Variants in NR5A2 observed in about 807,000 individuals in gnomAD.
NR5A2 encodes nuclear receptor subfamily 5 group A member 2.
Under a neutral mutation model 62.7 loss-of-function variants are expected in NR5A2, and 26 were observed. The observed-to-expected ratio is 0.41, with a 90% CI of 0.30 to 0.58. NR5A2 has a LOEUF of 0.58. Among genes scored for constraint, NR5A2 ranks in the 20% least tolerant of loss-of-function variants. NR5A2 has a pLI of 0.22. For synonymous variants in NR5A2, 246 were observed against 241.7 expected (o/e 1.02, Z -0.16); for missense variants, 541 against 669.1 (o/e 0.81, Z 2.11).
At position 200,173,955 on chromosome 1, in the gene NR5A2, T is replaced by TG. The variant is rs1654301340; in HGVS notation, c.1379-8_1379-7insG. ...ATGTTGCTTTTTTTTTTTTTTTTTT[T>TG]AATGCAGATGTCAAAAACCTTGAAA... On this transcript the variant is annotated splice_region_variant and splice_polypyrimidine_tract_variant and intron_variant, in intron 7 of 7. Coordinates refer to ENST00000367362, the MANE Select transcript of NR5A2 (RefSeq NM_205860.3). 4 of 1,344,330 alleles carry TG rather than the reference T, an allele frequency of 3.0e-6. No individual in the cohort carries two copies. In the Admixed American group the frequency reaches 1.0e-4, roughly 35 times the overall value. The allele number at this position is 1,344,330 out of a possible 1,614,324, so 83.3% of individuals were successfully genotyped here.
intron 7 of NR5A2, among the ~76,000 whole-genome samples, chr1:200,141,510 T>C (rs1343031391): frequency 2.6e-5 from 4 of 152,210 alleles, no homozygotes; most frequent in Non-Finnish European, 4.4e-5. Context: ...CCTTCACTTA[T>C]TGAAAGACAT....
chr1:200,090,138 C>T (rs189221379), intron 5 of NR5A2, among the ~76,000 whole-genome samples: 2 of 152,288 alleles, frequency 1.3e-5, no homozygotes, highest in East Asian at 1.9e-4. Flanking sequence ...TCTTTCCAAC[C>T]TCTTTCTTGT....
rs1044329015 is a variant in NR5A2 at position 200,083,844 on chromosome 1, A to G, written c.1111-27358A>G. On this transcript the variant is annotated intron_variant, in intron 5 of 7. Transcript: ENST00000367362. ...GCCGGGCATGGTGGCTCATGCCTGT[A>G]ATCCCAGCTACTTGGGAGGCTGAGG... 2.6e-5 allele frequency among the ~76,000 whole-genome samples: 4 copies of G among 152,168 alleles called. No individual in the cohort carries two copies. In the South Asian group the frequency reaches 6.2e-4, roughly 24 times the overall value.
rs937052268 is a variant in NR5A2, at chr1:200,147,659, C to G, written c.1379-26304C>G. 4 of 701,208 alleles carry G rather than the reference C, an allele frequency of 5.7e-6. No homozygotes were observed. Among genetic ancestry groups the G allele is most frequent in the South Asian group, 2.7e-5 (2 of 72,798 alleles). 43.4% of individuals were successfully genotyped at this position (701,208 alleles called of 1,614,324 possible). A position where few individuals can be genotyped will look rare whatever the true frequency, so the allele number is the denominator to read the frequency against. Reference sequence around the variant, plus strand: ...TGGATCTTGTCGATTGAGTTGAAGTCGGACACGTGGAAGACATGGGTGGAC... The same window carrying G: ...TGGATCTTGTCGATTGAGTTGAAGTGGGACACGTGGAAGACATGGGTGGAC... On this transcript the variant is annotated intron_variant, in intron 7 of 7. Coordinates refer to ENST00000367362, the MANE Select transcript of NR5A2 (RefSeq NM_205860.3). The surrounding 1 kb of genome is among the most constrained non-coding windows in gnomAD (Gnocchi z 4.9).
chr1:200,063,527 T>A (rs2102200857), intron 5 of NR5A2, among the ~76,000 whole-genome samples: 1 of 152,322 alleles, frequency 6.6e-6, no homozygotes, highest in East Asian at 1.9e-4. Flanking sequence ...GGAGTTTTAT[T>A]TGACCATTGA....
At position 200,052,842 on chromosome 1, in the gene NR5A2, G is replaced by T. The variant is rs573439997; in HGVS notation, c.1110+4024G>T. Among the ~76,000 whole-genome samples, 65 of 152,170 alleles carry T rather than the reference G, an allele frequency of 4.3e-4. 1 individual carries two copies. The highest frequency in any genetic ancestry group is 3.4e-3 in the Middle Eastern group (1 of 294). On this transcript the variant is annotated intron_variant, in intron 5 of 7. Coordinates refer to ENST00000367362, the MANE Select transcript of NR5A2 (RefSeq NM_205860.3). ...TTTTTAGTAGAGACGGTGTTTCACCGTGTTAGCCAGGATGGTCTTGATCTC... is the reference window on the plus strand; with the variant it reads ...TTTTTAGTAGAGACGGTGTTTCACCTTGTTAGCCAGGATGGTCTTGATCTC...
At chr1:200,042,111 G>T (rs1662117518) in intron 2 of NR5A2, among the ~76,000 whole-genome samples, 1 of 152,140 alleles carries the variant, frequency 6.6e-6, no homozygotes, top group Admixed American at 6.5e-5. Flanking sequence ...GTCTCTTGGG[G>T]CTGGGATTCA....
chr1:200,037,124 G>A (rs898089598), intron 1 of NR5A2, among the ~76,000 whole-genome samples: 1 of 152,182 alleles, frequency 6.6e-6, no homozygotes, highest in African/African-American at 2.4e-5. Flanking sequence ...GAAGTCGCTA[G>A]TGTGGCCTAA....
chr1:200,092,011 G>A (rs1220070791), intron 5 of NR5A2, among the ~76,000 whole-genome samples: 1 of 152,196 alleles, frequency 6.6e-6, no homozygotes, highest in East Asian at 1.9e-4. Context: ...CTGGATCACT[G>A]TGTATTTTAA....
At chr1:200,121,426 A>G (rs1571513163) in intron 7 of NR5A2, among the ~76,000 whole-genome samples, 1 of 152,352 alleles carries the variant, frequency 6.6e-6, no homozygotes, top group South Asian at 2.1e-4. Flanking sequence ...GATTAACTAG[A>G]GAATGTTTAT....
At chr1:200,119,073 C>G (rs1446635224) in intron 6 of NR5A2, among the ~76,000 whole-genome samples, 1 of 152,210 alleles carries the variant, frequency 6.6e-6, no homozygotes, top group African/African-American at 2.4e-5. Flanking sequence ...ATAGTTGACT[C>G]TATATAAACT....
rs1667773918 is a variant in NR5A2, at chr1:200,147,723, C to T, written c.1379-26240C>T. 2 of 624,046 alleles carry T rather than the reference C, an allele frequency of 3.2e-6. No individual in the cohort carries two copies. Among genetic ancestry groups the T allele is most frequent in the Non-Finnish European group, 6.1e-6 (2 of 330,450 alleles). 38.7% of individuals were successfully genotyped at this position (624,046 alleles called of 1,614,324 possible). A position where few individuals can be genotyped will look rare whatever the true frequency, so the allele number is the denominator to read the frequency against. ...CGATCTCCTCCAGCTCCTCCCTGAGCGCCTCTCCCACGTCCACGGTGAAGA... is the reference window on the plus strand; with the variant it reads ...CGATCTCCTCCAGCTCCTCCCTGAGTGCCTCTCCCACGTCCACGGTGAAGA... On this transcript the variant is annotated intron_variant, in intron 7 of 7. Transcript: ENST00000367362. The surrounding 1 kb of genome is among the most constrained non-coding windows in gnomAD (Gnocchi z 4.9).
chr1:200,116,403 T>C (rs1666217325), intron 6 of NR5A2, among the ~76,000 whole-genome samples: 1 of 152,226 alleles, frequency 6.6e-6, no homozygotes, highest in South Asian at 2.1e-4. Flanking sequence ...TCCAGGAAAT[T>C]GCTCCTTGGA....
chr1:200,171,944 A>G (rs2690038), intron 7 of NR5A2, among the ~76,000 whole-genome samples: 64,652 of 151,938 alleles, frequency 0.43, 14,074 homozygotes, highest in African/African-American at 0.52. Context: ...GGTTCTCAAA[A>G]AAATACAATT....
intron 5 of NR5A2, among the ~76,000 whole-genome samples, chr1:200,107,880 C>G (rs1238410196): frequency 1.3e-5 from 2 of 152,118 alleles, no homozygotes; most frequent in African/African-American, 4.8e-5. Flanking sequence ...ATCCGCCAGC[C>G]TCGGCCTCCC....
At chr1:200,129,415 G>A (rs921044051) in intron 7 of NR5A2, among the ~76,000 whole-genome samples, 7 of 152,238 alleles carry the variant, frequency 4.6e-5, no homozygotes, top group African/African-American at 1.4e-4. Flanking sequence ...AAAGGCTGCT[G>A]TGTTAACATA....
chr1:200,124,523 G>C (rs1029049171), intron 7 of NR5A2, among the ~76,000 whole-genome samples: 2 of 152,200 alleles, frequency 1.3e-5, no homozygotes, highest in African/African-American at 4.8e-5. Flanking sequence ...ACATTTCTCT[G>C]TGTATAACAT....
At chr1:200,123,269 C>T (rs1666557052) in intron 7 of NR5A2, among the ~76,000 whole-genome samples, 1 of 152,148 alleles carries the variant, frequency 6.6e-6, no homozygotes, top group Non-Finnish European at 1.5e-5. Context: ...AGAGATGAAA[C>T]AGTGTTTTCC....
At chr1:200,173,777 C>T (rs959461713) in intron 7 of NR5A2, among the ~76,000 whole-genome samples, 186 bp from the exon 8 acceptor site, 10 of 152,172 alleles carry the variant, frequency 6.6e-5, no homozygotes, top group African/African-American at 2.4e-4. Flanking sequence ...AGACATTCTT[C>T]TAAAGCTCTT....
Sources: gnomAD v4.1 joint callset for allele counts (sites outside exome capture counted in the v4.1 genomes callset) on GRCh38, gnomAD v4.1.1 for gene constraint, Gnocchi (gnomAD v3.1) non-coding constraint, MANE v1.5 for transcripts, NCBI Gene and HGNC (gene_info 2026-07-23, HGNC 2026-07-21) for gene names.